Variants in DDX3X observed in about 807,000 individuals in gnomAD.
The protein encoded by DDX3X is DEAD-box helicase 3 X-linked, also known as ATP-dependent RNA helicase DDX3X.
DDX3X carries 4 observed loss-of-function variants against 52.7 expected under a neutral mutation model. The ratio of observed to expected loss-of-function variants is 0.08; its 90% confidence interval spans 0.04 to 0.17. The LOEUF (loss-of-function observed/expected upper bound fraction) is 0.17. Among genes scored for constraint, DDX3X ranks in the 10% least tolerant of loss-of-function variants. DDX3X has a pLI of 1.00. For missense variants in DDX3X, 222 were observed against 548.6 expected (o/e 0.40, Z 5.95); for synonymous variants, 192 against 178.1 (o/e 1.08, Z -0.62).
downstream of DDX3X, among the ~76,000 whole-genome samples, chrX:41,354,442 G>T (rs1343620753): frequency 1.0e-5 from 1 of 100,145 alleles, no homozygotes; most frequent in Admixed American, 1.2e-4. Context: ...TCCCACCTCA[G>T]CCTCCTGAGT....
rs1244440369 is a variant in DDX3X, at chrX:41,350,129, A to G, written c.*2410A>G. The G allele has an allele frequency of 2.7e-5, 3 of 112,298 alleles. No individual in the cohort carries two copies. The highest frequency in any genetic ancestry group is 5.6e-5 in the Non-Finnish European group (3 of 53,229). The allele number at this position is 112,298 out of a possible 1,213,427, so 9.3% of individuals were successfully genotyped here. On this transcript the variant is annotated 3_prime_UTR_variant, in exon 17 of 17. Coordinates refer to ENST00000644876, the MANE Select transcript of DDX3X (RefSeq NM_001356.5). ...GTCACTGTAGCTTTAGTAATTGCTT[A>G]TTGTATTAGTTTAGATGCTAGCACT... is the stretch of plus-strand genomic sequence containing the variant.
upstream of DDX3X, chrX:41,334,094 C>T: frequency 6.1e-6 from 3 of 492,812 alleles, no homozygotes; most frequent in East Asian, 3.7e-5. Flanking sequence ...GGAGGGCACA[C>T]GTTGTACGTG....
chrX:41,362,178 T>C (rs1372097139), intron 5 of DDX3X, among the ~76,000 whole-genome samples: 4 of 102,144 alleles, frequency 3.9e-5, no homozygotes, highest in African/African-American at 1.1e-4. Context: ...AACCTCTGCC[T>C]CCTGGGTTCA....
downstream of DDX3X, chrX:41,350,652 T>C (rs1391779302): frequency 9.0e-6 from 1 of 111,386 alleles, no homozygotes; most frequent in African/African-American, 3.3e-5. Flanking sequence ...CCAGGTGTGA[T>C]GATTACATAG....
At chrX:41,356,060 TA>T (rs1162629051) in intron 5 of DDX3X, among the ~76,000 whole-genome samples, 2 of 111,233 alleles carry the variant, frequency 1.8e-5, no homozygotes, top group Non-Finnish European at 3.8e-5. Flanking sequence ...CTTTTCATCT[TA>T]AAAAGGTCTT....
At chrX:41,344,209 TG>T (rs1569238336) in intron 9 of DDX3X, 29 bp from the exon 10 acceptor site, 6 of 1,201,449 alleles carry the variant, frequency 5.0e-6, no homozygotes, top group Non-Finnish European at 6.7e-6. Flanking sequence ...ATTTTGACCT[TG>T]AAGTTCATAA....
chrX:41,335,816 C>T (rs1411269355), intron 1 of DDX3X: 1 of 112,273 alleles, frequency 8.9e-6, no homozygotes, highest in Non-Finnish European at 1.9e-5. Context: ...ACTTTAACAA[C>T]CTACCAGCAG....
In DDX3X at chrX:41,334,928, T is replaced by C. The variant is rs181022985; in HGVS notation, c.45+631T>C. On this transcript the variant is annotated intron_variant, in intron 1 of 16. Transcript: ENST00000644876. Reference sequence around the variant, plus strand: ...GGAAAGGAGGATGGAATGGGTTTCTTGTTTTTTCCCGGGTTCCTTCCGCTG... The same window carrying C: ...GGAAAGGAGGATGGAATGGGTTTCTCGTTTTTTCCCGGGTTCCTTCCGCTG... 7.1e-3 allele frequency: 1,927 copies of C among 273,285 alleles called. 4 individuals are homozygous for C. Among genetic ancestry groups the C allele is most frequent in the Non-Finnish European group, 8.6e-3 (1,596 of 185,655 alleles). The allele number at this position is 273,285 out of a possible 1,213,427, so 22.5% of individuals were successfully genotyped here. A position where few individuals can be genotyped will look rare whatever the true frequency, so the allele number is the denominator to read the frequency against.
In DDX3X at chrX:41,346,603, G is replaced by A. The variant is rs752166678; in HGVS notation, c.1596G>A (p.Thr532=). Residue 532 remains threonine, a synonymous_variant, in exon 14 of 17, where the codon ACG becomes ACA. Coordinates refer to ENST00000644876, the MANE Select transcript of DDX3X (RefSeq NM_001356.5). ...AATATGTACATCGTATTGGTCGTACGGGACGTGTAGGAAACCTTGGTAAGT... is the reference window on the plus strand; with the variant it reads ...AATATGTACATCGTATTGGTCGTACAGGACGTGTAGGAAACCTTGGTAAGT... The part of the protein sequence containing the change: ...IEEYVHRIGR[T]GRVGNLGLAT... 11 of 1,193,937 alleles carry A rather than the reference G, an allele frequency of 9.2e-6. No individual in the cohort carries two copies. Among genetic ancestry groups the A allele is most frequent in the Middle Eastern group, 2.3e-4 (1 of 4,325 alleles).
chrX:41,345,177 C>T lies in DDX3X; in HGVS notation c.1026-3C>T, dbSNP rs1288221968. The T allele has an allele frequency of 3.3e-6, 4 of 1,207,743 alleles. No homozygotes were observed. The highest frequency in any genetic ancestry group is 2.3e-4 in the Middle Eastern group (1 of 4,342). On this transcript the variant is annotated splice_polypyrimidine_tract_variant and splice_region_variant and intron_variant, in intron 10 of 16. Transcript: ENST00000644876. The stretch of plus-strand genomic sequence containing the variant: ...AGGCTTGTTTTTTTTCATGACATGA[C>T]AGATACTTGGTGTTAGATGAAGCTG...
chrX:41,338,950 C>A, intron 2 of DDX3X, 86 bp from the exon 3 acceptor site: 1 of 369,639 alleles, frequency 2.7e-6, no homozygotes. Flanking sequence ...ATTTTAATTT[C>A]CCAGAACCAT....
At chrX:41,334,834 T>C in intron 1 of DDX3X, 2 of 823,231 alleles carry the variant, frequency 2.4e-6, no homozygotes, top group South Asian at 2.6e-5. Flanking sequence ...GGCGGCCTCT[T>C]TTGTGTGGTG....
intron 1 of DDX3X, chrX:41,334,597 G>A (rs993633588): frequency 1.8e-6 from 2 of 1,084,720 alleles, no homozygotes; most frequent in Admixed American, 6.4e-5. Context: ...ACGCGCATGC[G>A]CGAATCCCGA....
At chrX:41,334,575 G>T (rs1309529140) in intron 1 of DDX3X, 1 of 1,084,733 alleles carries the variant, frequency 9.2e-7, no homozygotes, top group Non-Finnish European at 1.2e-6. Flanking sequence ...AAGTGCGCGC[G>T]CTCTCGCGGG....
chrX:41,347,824 C>A lies in DDX3X; in HGVS notation c.*105C>A. On this transcript the variant is annotated 3_prime_UTR_variant, in exon 17 of 17. Coordinates refer to ENST00000644876, the MANE Select transcript of DDX3X (RefSeq NM_001356.5). ...AGCTTCAAGAACTCGCAGTACATTA[C>A]CAGCTGTGATTCTCCACTGAAATTT... 1.9e-6 allele frequency: 1 copy of A among 532,798 alleles called. No individual in the cohort carries two copies. Among genetic ancestry groups the A allele is most frequent in the Non-Finnish European group, 3.0e-6 (1 of 328,652 alleles). 43.9% of individuals were successfully genotyped at this position (532,798 alleles called of 1,213,427 possible).
intron 13 of DDX3X, 32 bp from the exon 14 acceptor site, chrX:41,346,473 G>A (rs772537346): frequency 8.4e-7 from 1 of 1,189,855 alleles, no homozygotes; most frequent in South Asian, 1.8e-5. Flanking sequence ...TTTCTTTTAA[G>A]TGGGCCATAT....
At chrX:41,352,760 G>GTGGTTT (rs968144212), downstream of DDX3X, among the ~76,000 whole-genome samples, 1 of 111,346 alleles carries the variant, frequency 9.0e-6, no homozygotes, top group Admixed American at 9.6e-5. Flanking sequence ...TCAGAAATCT[G>GTGGTTT]TGGTTTTGGT....
chrX:41,358,490 T>C (rs997849668), intron 5 of DDX3X, among the ~76,000 whole-genome samples: 1 of 112,106 alleles, frequency 8.9e-6, no homozygotes, highest in Middle Eastern at 4.2e-3. Context: ...TTCTTAAAAC[T>C]CATCATTTTG....
intron 5 of DDX3X, among the ~76,000 whole-genome samples, chrX:41,359,816 A>G (rs1298293161): frequency 7.5e-5 from 8 of 107,059 alleles, no homozygotes; most frequent in African/African-American, 2.4e-4. Flanking sequence ...AAAAAAAATA[A>G]AAAATAAAAA....
Sources: allele counts gnomAD v4.1 joint callset (sites outside exome capture counted in the v4.1 genomes callset), GRCh38; gene constraint gnomAD v4.1.1; transcripts MANE v1.5; gene names NCBI Gene and HGNC (gene_info 2026-07-23, HGNC 2026-07-21).